Variants in HYOU1 observed in about 807,000 individuals in gnomAD.
The protein encoded by HYOU1 is hypoxia up-regulated protein 1.
In HYOU1, 40 loss-of-function variants were observed where a neutral mutation model predicts 120.5. The observed-to-expected ratio is 0.33, with a 90% CI of 0.26 to 0.43. The LOEUF is 0.43. HYOU1 is among the 20% of genes least tolerant of loss of function. HYOU1 has a pLI of 1.00. For missense variants in HYOU1, 1,085 were observed against 1,278.3 expected, an observed-to-expected ratio of 0.85 and a Z score of 2.31; for synonymous variants, 501 against 479.4, an observed-to-expected ratio of 1.05 and a Z score of -0.59.
chr11:119,047,564 T>C (rs1304237136), intron 22 of HYOU1, 170 bp downstream of exon 22: 5 of 616,514 alleles, frequency 8.1e-6, no homozygotes, highest in African/African-American at 1.8e-5. Context: ...CTTATGGCCA[T>C]GGCCCTTGCT....
chr11:119,049,443 G>T, intron 16 of HYOU1, 113 bp downstream of exon 16: 1 of 1,564,600 alleles, frequency 6.4e-7, no homozygotes, highest in Non-Finnish European at 8.8e-7. Context: ...CCTGGGGAGT[G>T]AATGGTTAAC....
chr11:119,054,220 T>C lies in HYOU1; in HGVS notation c.695A>G (p.Asp232Gly). Reference sequence around the variant, plus strand: ...GCATACGGTGCTGCCTGAGCCCATGTCATAGAACATGATATTCTGTAGAGA... The same window carrying C: ...GCATACGGTGCTGCCTGAGCCCATGCCATAGAACATGATATTCTGTAGAGA... ...NTTAQNIMFY[D>G]MGSGSTVCTI... The change falls in exon 8 of 26, where the codon GAC becomes GGC. Residue 232 changes from aspartate to glycine, a missense_variant. Physicochemically the swap from Asp to Gly is moderately conservative, Grantham distance 94. This residue lies in a region of HYOU1 where 515 missense variants were observed against 677.8 expected (regional missense o/e 0.76). Coordinates refer to ENST00000617285, the MANE Select transcript of HYOU1 (RefSeq NM_006389.5). 6.2e-7 allele frequency: 1 copy of C among 1,613,362 alleles called. No individual in the cohort carries two copies. The highest frequency in any genetic ancestry group is 8.5e-7 in the Non-Finnish European group (1 of 1,179,292).
chr11:119,046,265 CTTTTTTTT>C (rs11349624), intron 24 of HYOU1, 144 bp downstream of exon 24: 20 of 494,782 alleles, frequency 4.0e-5, no homozygotes, highest in Non-Finnish European at 6.5e-5. Context: ...CGTGCCTGGC[CTTTTTTTT>C]TTTTTTTTTT....
At chr11:119,049,943 G>T in intron 14 of HYOU1, 106 bp from the exon 15 acceptor site, 1 of 996,310 alleles carries the variant, frequency 1.0e-6, no homozygotes, top group Non-Finnish European at 1.6e-6. Flanking sequence ...GCCGTCACAG[G>T]CCTAGTCTCT....
In HYOU1 at chr11:119,048,934, C is replaced by T. The variant is rs2133568621; in HGVS notation, c.1993-48G>A. ...GTCAGGAAAAGCCTCTGCCCTCCTACATTCTCCACAAGGCCAGAAACAAGG... is the reference window on the plus strand; with the variant it reads ...GTCAGGAAAAGCCTCTGCCCTCCTATATTCTCCACAAGGCCAGAAACAAGG... On this transcript the variant is annotated intron_variant, in intron 17 of 25. Transcript: ENST00000617285. The surrounding 1 kb of genome is among the most constrained non-coding windows in gnomAD (Gnocchi z 4.7). The T allele has an allele frequency of 2.5e-6, 4 of 1,607,890 alleles. No homozygotes were observed. The South Asian group carries it at 3.3e-5, about 13-fold the overall frequency.
rs939968148 is a variant in HYOU1 at position 119,051,255 on chromosome 11, G to A, written c.1527-82C>T. Reference sequence around the variant, plus strand: ...TAGACTACATGGCCTCCTGGCACAAGGTGTCAGGGGCACTCCCCAAGGGCA... The same window carrying A: ...TAGACTACATGGCCTCCTGGCACAAAGTGTCAGGGGCACTCCCCAAGGGCA... On this transcript the variant is annotated intron_variant, in intron 13 of 25. Transcript: ENST00000617285. The surrounding 1 kb of genome is among the most constrained non-coding windows in gnomAD (Gnocchi z 4.2). 12 of 1,570,446 alleles carry A rather than the reference G, an allele frequency of 7.6e-6. No homozygotes were observed. Among genetic ancestry groups the A allele is most frequent in the Non-Finnish European group, 9.6e-6 (11 of 1,149,052 alleles).
Position 119,051,549 on chromosome 11 carries a change from C to T in HYOU1, c.1415G>A (p.Arg472Gln). ...LKHNKRVLFS[R>Q]MGPYPQRKVI... ...TTTGCGTTGAGGGTAGGGCCCCATC[C>T]GAGAGAAGAGTACCCGTTTATTGTG... The change falls in exon 13 of 26, where the codon CGG becomes CAG. Residue 472 changes from arginine (R) to glutamine (Q), a missense_variant. Transcript: ENST00000617285. The surrounding 1 kb of genome is among the most constrained non-coding windows in gnomAD (Gnocchi z 4.2). 3.1e-6 allele frequency: 5 copies of T among 1,614,114 alleles called. No homozygotes were observed. The highest frequency in any genetic ancestry group is 1.1e-5 in the South Asian group (1 of 91,078).
chr11:119,047,891 G>A, intron 21 of HYOU1, 56 bp downstream of exon 21: 5 of 1,613,546 alleles, frequency 3.1e-6, no homozygotes, highest in East Asian at 2.2e-5. Context: ...GAAGCTGGTA[G>A]GAATGAAAAC....
rs1943946584 is a variant in HYOU1 at position 119,044,225 on chromosome 11, T to A, written c.*1368A>T. ...TATTTTATTGAAACAGTTTCTCAATTAACAATGGAGCAAAGTACAATTTGA... is the reference window on the plus strand; with the variant it reads ...TATTTTATTGAAACAGTTTCTCAATAAACAATGGAGCAAAGTACAATTTGA... On this transcript the variant is annotated 3_prime_UTR_variant, in exon 26 of 26. Coordinates refer to ENST00000617285, the MANE Select transcript of HYOU1 (RefSeq NM_006389.5). 7.2e-6 allele frequency: 1 copy of A among 138,300 alleles called. No homozygotes were observed. The allele number at this position is 138,300 out of a possible 1,614,324, so 8.6% of individuals were successfully genotyped here. A position where few individuals can be genotyped will look rare whatever the true frequency, so the allele number is the denominator to read the frequency against.
Position 119,049,122 on chromosome 11 carries a change from C to T in HYOU1, c.1888G>A (p.Val630Met). 4 of 1,613,984 alleles carry T rather than the reference C, an allele frequency of 2.5e-6. No homozygotes were observed. The highest frequency in any genetic ancestry group is 3.4e-6 in the Non-Finnish European group (4 of 1,179,922). ...GGTGGGGGCTGAGAGCCATCCTCCA[C>T]TGGGGCCTCAGCTTCCTCCTTGAGC... ...VELKEEAEAPVEDGSQPPPPE... is the reference protein window; with the variant it reads ...VELKEEAEAPMEDGSQPPPPE... The change falls in exon 17 of 26, where the codon GTG becomes ATG. Residue 630 changes from valine (V) to methionine (M), a missense_variant. By Grantham distance (21) the Val-to-Met change is conservative. Around this residue, in one of 4 missense-constraint regions of HYOU1, gnomAD observed 516 missense variants for 517.1 expected, o/e 1.00. Transcript: ENST00000617285.
In HYOU1 at chr11:119,055,110, A is replaced by C. The variant is rs2133610083; in HGVS notation, c.420-50T>G. 1 of 1,613,410 alleles carries C rather than the reference A, an allele frequency of 6.2e-7. No homozygotes were observed. Among genetic ancestry groups the C allele is most frequent in the South Asian group, 1.1e-5 (1 of 91,058 alleles). On this transcript the variant is annotated intron_variant, in intron 5 of 25. Transcript: ENST00000617285. The surrounding 1 kb of genome is among the most constrained non-coding windows in gnomAD (Gnocchi z 4.0). ...GCCAAGGAAAGCCAGGCATTAAGGCAGGACAATCAGGAACACACACCAATG... is the reference window on the plus strand; with the variant it reads ...GCCAAGGAAAGCCAGGCATTAAGGCCGGACAATCAGGAACACACACCAATG...
At chr11:119,049,707 T>C (rs1944305186) in intron 15 of HYOU1, 70 bp downstream of exon 15, 2 of 1,605,596 alleles carry the variant, frequency 1.2e-6, no homozygotes, top group East Asian at 2.2e-5. Context: ...CCAAGGGCCA[T>C]GCCCTGTCCA....
Position 119,048,998 on chromosome 11 carries a change from C to A in HYOU1, c.1992+20G>T. The A allele has an allele frequency of 6.2e-7, 1 of 1,613,696 alleles. No homozygotes were observed. On this transcript the variant is annotated intron_variant, in intron 17 of 25. Coordinates refer to ENST00000617285, the MANE Select transcript of HYOU1 (RefSeq NM_006389.5). The surrounding 1 kb of genome is among the most constrained non-coding windows in gnomAD (Gnocchi z 4.7). ...CCTTAGCCTCTGGATCCACACTGGC[C>A]TTCCTCTGCCACAGCTCACCTGGGC... is the stretch of plus-strand genomic sequence containing the variant.
At chr11:119,045,934 G>A in intron 24 of HYOU1, 103 bp from the exon 25 acceptor site, 1 of 1,123,980 alleles carries the variant, frequency 8.9e-7, no homozygotes, top group Non-Finnish European at 1.3e-6. Flanking sequence ...AATATTTTAG[G>A]ATGCATGTAC....
In HYOU1 at chr11:119,048,707, C is replaced by A. The variant is rs2133566635; in HGVS notation, c.2165+7G>T. 6.2e-7 allele frequency: 1 copy of A among 1,608,434 alleles called. No individual in the cohort carries two copies. The highest frequency in any genetic ancestry group is 8.5e-7 in the Non-Finnish European group (1 of 1,176,866). Reference sequence around the variant, plus strand: ...TGTACACACACACACCAGCTGTCCTCACTTACTTCTGCACCGACTGAGCCA... The same window carrying A: ...TGTACACACACACACCAGCTGTCCTAACTTACTTCTGCACCGACTGAGCCA... On this transcript the variant is annotated splice_region_variant and intron_variant, in intron 18 of 25. Transcript: ENST00000617285. The surrounding 1 kb of genome is among the most constrained non-coding windows in gnomAD (Gnocchi z 4.7).
In HYOU1 at chr11:119,054,296, G is replaced by GCCCA. The variant is rs907228940; in HGVS notation, c.679-64_679-61dup. The GCCCA allele has an allele frequency of 2.2e-6, 3 of 1,383,892 alleles. No homozygotes were observed. In the African/African-American group the frequency reaches 4.3e-5, roughly 20 times the overall value. 85.7% of individuals were successfully genotyped at this position (1,383,892 alleles called of 1,614,324 possible). A position where few individuals can be genotyped will look rare whatever the true frequency, so the allele number is the denominator to read the frequency against. ...TTCTCAAACTCCAGGGGGCCTGCCT[G>GCCCA]CCCACCCACCTGCTTCCAATGGGCT... On this transcript the variant is annotated intron_variant, in intron 7 of 25. Transcript: ENST00000617285.
At chr11:119,046,351 T>G in intron 24 of HYOU1, 66 bp downstream of exon 24, 1 of 1,463,892 alleles carries the variant, frequency 6.8e-7, no homozygotes, top group Non-Finnish European at 9.6e-7. Context: ...AGGCTGTGCC[T>G]GCCAGTTTGC....
chr11:119,053,731 T>C (rs1021814652), intron 8 of HYOU1: 1 of 159,810 alleles, frequency 6.3e-6, no homozygotes, highest in Non-Finnish European at 1.4e-5. Context: ...ACAGGGCACA[T>C]GTTCTCAGGA....
intron 22 of HYOU1, 68 bp from the exon 23 acceptor site, chr11:119,046,870 A>C: frequency 6.4e-7 from 1 of 1,558,366 alleles, no homozygotes; most frequent in Non-Finnish European, 8.6e-7. Context: ...TCCCAGATGG[A>C]ATCACACCCC....
Sources: allele counts gnomAD v4.1 joint callset, GRCh38; gene constraint gnomAD v4.1.1; regional missense constraint gnomAD v4.1.1; non-coding constraint Gnocchi (gnomAD v3.1); transcripts MANE v1.5; gene names NCBI Gene and HGNC (gene_info 2026-07-23, HGNC 2026-07-21).